The following LIX1 variants were observed in gnomAD, a reference collection of about 807,000 sequenced individuals.
LIX1 encodes limb and CNS expressed 1, also known as protein limb expression 1 homolog.
LIX1 carries 24 observed loss-of-function variants against 33.4 expected under a neutral mutation model. The ratio of observed to expected loss-of-function variants is 0.72; its 90% CI spans 0.52 to 1.01. The LOEUF is 1.01. Ranked by LOEUF, LIX1 falls within the 50% of genes least tolerant of loss-of-function variation. The pLI, the probability that LIX1 is intolerant of heterozygous loss-of-function variation, is 0.00. For missense variants in LIX1, 311 were observed against 339.2 expected (o/e 0.92, Z 0.65); for synonymous variants, 124 against 124.0 (o/e 1.00, Z 0.00).
chr5:97,119,651 A>G (rs1747730509), intron 2 of LIX1, among the ~76,000 whole-genome samples: 1 of 152,206 alleles, frequency 6.6e-6, no homozygotes, highest in Non-Finnish European at 1.5e-5. Flanking sequence ...ATTTAAACAT[A>G]AAGAAAAGGG....
At chr5:97,133,058 TA>T (rs1748091853) in intron 1 of LIX1, among the ~76,000 whole-genome samples, 1 of 152,208 alleles carries the variant, frequency 6.6e-6, no homozygotes, top group South Asian at 2.1e-4. Context: ...CCAATAAGCA[TA>T]TATGATCTAT....
intron 2 of LIX1, among the ~76,000 whole-genome samples, chr5:97,121,855 T>C (rs1266474296): frequency 6.6e-6 from 1 of 152,176 alleles, no homozygotes. Context: ...TGCTTGAGAA[T>C]GTCTGTTTCC....
intron 2 of LIX1, among the ~76,000 whole-genome samples, chr5:97,122,707 TGCCA>T (rs1466323985): frequency 6.6e-6 from 1 of 152,196 alleles, no homozygotes; most frequent in Non-Finnish European, 1.5e-5. Flanking sequence ...AAGCCACTGA[TGCCA>T]GTTTGACCAG....
chr5:97,102,252 C>T (rs1746748455), intron 4 of LIX1: 2 of 151,970 alleles, frequency 1.3e-5, no homozygotes, highest in African/African-American at 4.8e-5. Flanking sequence ...TAGAGTCATC[C>T]ATAGCTAGAT....
chr5:97,139,001 A>C (rs1748227698), intron 1 of LIX1, among the ~76,000 whole-genome samples: 1 of 152,142 alleles, frequency 6.6e-6, no homozygotes, highest in African/African-American at 2.4e-5. Flanking sequence ...ATTTCAGATA[A>C]GGCATACTCA....
chr5:97,112,802 A>G (rs1459486310), intron 2 of LIX1, among the ~76,000 whole-genome samples: 3 of 71,198 alleles, frequency 4.2e-5, no homozygotes, highest in African/African-American at 2.9e-4. Context: ...TTAAAGTAAA[A>G]AAAAAAAAAA....
rs1253226795 is a variant in LIX1, at chr5:97,094,447, C to T, written c.*301G>A. The T allele has an allele frequency of 1.3e-5, 5 of 370,592 alleles. No homozygotes were observed. The highest frequency in any genetic ancestry group is 4.7e-5 in the East Asian group (1 of 21,088). The allele number at this position is 370,592 out of a possible 1,614,324, so 23.0% of individuals were successfully genotyped here. A position where few individuals can be genotyped will look rare whatever the true frequency, so the allele number is the denominator to read the frequency against. On this transcript the variant is annotated 3_prime_UTR_variant, in exon 6 of 6. Transcript: ENST00000274382. ...AATATATATAAAATCAAGCAAGGCA[C>T]GTGACAGTCAGGCTTTAGGTTGGAG...
chr5:97,137,237 T>C (rs930486029), intron 1 of LIX1: 1 of 348,784 alleles, frequency 2.9e-6, no homozygotes, highest in African/African-American at 2.2e-5. Flanking sequence ...TCTGGTGAGA[T>C]GGGAGAGCAG....
intron 2 of LIX1, among the ~76,000 whole-genome samples, chr5:97,120,542 G>A (rs1747751820): frequency 6.6e-6 from 1 of 152,184 alleles, no homozygotes; most frequent in Non-Finnish European, 1.5e-5. Flanking sequence ...GAGATTCAGA[G>A]AAAACTTTTT....
intron 4 of LIX1, among the ~76,000 whole-genome samples, chr5:97,104,983 G>A (rs1746934417): frequency 6.6e-6 from 1 of 152,212 alleles, no homozygotes; most frequent in Non-Finnish European, 1.5e-5. Context: ...AGCAAAGATT[G>A]TTTCCTGATT....
At chr5:97,128,438 A>G (rs1747981613) in intron 1 of LIX1, among the ~76,000 whole-genome samples, 1 of 152,096 alleles carries the variant, frequency 6.6e-6, no homozygotes, top group Non-Finnish European at 1.5e-5. Context: ...TAGCATGGAA[A>G]TCTTGTCTTG....
At chr5:97,123,412 C>T (rs1747833188) in intron 2 of LIX1, among the ~76,000 whole-genome samples, 1 of 152,206 alleles carries the variant, frequency 6.6e-6, no homozygotes, top group South Asian at 2.1e-4. Flanking sequence ...GGGCTGACCA[C>T]TGGTAAAGGT....
intron 2 of LIX1, among the ~76,000 whole-genome samples, chr5:97,110,182 G>T (rs562359067): frequency 8.5e-5 from 13 of 152,254 alleles, no homozygotes; most frequent in African/African-American, 2.9e-4. Flanking sequence ...TATTACTTGA[G>T]CATCCTCCAC....
chr5:97,141,709 C>G (rs1326121768), intron 1 of LIX1, among the ~76,000 whole-genome samples: 1 of 152,070 alleles, frequency 6.6e-6, no homozygotes, highest in Non-Finnish European at 1.5e-5. Flanking sequence ...ATTTCAGAAG[C>G]CCTTTGTAAT....
chr5:97,127,072 G>T (rs1230607495), intron 1 of LIX1, among the ~76,000 whole-genome samples: 1 of 152,154 alleles, frequency 6.6e-6, no homozygotes, highest in Non-Finnish European at 1.5e-5. Context: ...TGAGCTAGCT[G>T]ACTTGAGTCT....
At chr5:97,111,063 C>T (rs138793932) in intron 2 of LIX1, among the ~76,000 whole-genome samples, 2 of 152,286 alleles carry the variant, frequency 1.3e-5, no homozygotes, top group African/African-American at 2.4e-5. Flanking sequence ...TGACCACTCT[C>T]AAGTCTAGGC....
chr5:97,104,719 T>G (rs1386539635), intron 4 of LIX1, among the ~76,000 whole-genome samples: 1 of 152,334 alleles, frequency 6.6e-6, no homozygotes, highest in East Asian at 1.9e-4. Context: ...GATTGTTAAT[T>G]TTTTTGATTT....
At position 97,094,455 on chromosome 5, in the gene LIX1, T is replaced by C. The variant is rs1321413566; in HGVS notation, c.*293A>G. ...TAAAATCAAGCAAGGCACGTGACAG[T>C]CAGGCTTTAGGTTGGAGCCAGGCCT... On this transcript the variant is annotated 3_prime_UTR_variant, in exon 6 of 6. Coordinates refer to ENST00000274382, the MANE Select transcript of LIX1 (RefSeq NM_153234.5). 5.1e-6 allele frequency: 2 copies of C among 391,960 alleles called. No homozygotes were observed. Among genetic ancestry groups the C allele is most frequent in the Non-Finnish European group, 9.2e-6 (2 of 218,182 alleles). 24.3% of individuals were successfully genotyped at this position (391,960 alleles called of 1,614,324 possible). A position where few individuals can be genotyped will look rare whatever the true frequency, so the allele number is the denominator to read the frequency against.
chr5:97,121,114 A>C (rs969318556), intron 2 of LIX1, among the ~76,000 whole-genome samples: 1 of 152,076 alleles, frequency 6.6e-6, no homozygotes, highest in Non-Finnish European at 1.5e-5. Flanking sequence ...CATTTCAGGG[A>C]GCTAATGCCC....
Sources: allele counts gnomAD v4.1 joint callset (sites outside exome capture counted in the v4.1 genomes callset), GRCh38; gene constraint gnomAD v4.1.1; transcripts MANE v1.5; gene names NCBI Gene and HGNC (gene_info 2026-07-23, HGNC 2026-07-21).